The following SCHIP1 variants were observed in gnomAD, a reference collection of about 807,000 sequenced individuals.
SCHIP1 encodes the protein schwannomin interacting protein 1.
SCHIP1 carries 8 observed loss-of-function variants against 29.7 expected under a neutral mutation model. The ratio of observed to expected loss-of-function variants is 0.27; its 90% CI spans 0.16 to 0.49. The LOEUF is 0.49. Ranked by LOEUF, SCHIP1 falls within the 20% of genes least tolerant of loss-of-function variation. SCHIP1 has a pLI of 0.99. For synonymous variants in SCHIP1, 76 were observed against 94.9 expected (o/e 0.80, Z 1.16); for missense variants, 193 against 294.6 (o/e 0.66, Z 2.52).
chr3:159,304,298 G>A, the SCHIP1 span, among the ~76,000 whole-genome samples: 2 of 151,944 alleles, frequency 1.3e-5, no homozygotes, highest in Non-Finnish European at 2.9e-5. Context: ...CATTATCTGG[G>A]GTTTTAAGAT....
At chr3:159,280,048 TG>T in the SCHIP1 span, among the ~76,000 whole-genome samples, 35 of 152,300 alleles carry the variant, frequency 2.3e-4, no homozygotes, top group African/African-American at 7.9e-4. Context: ...TCTTCTATAA[TG>T]GGGGGTAGAG....
the SCHIP1 span, among the ~76,000 whole-genome samples, chr3:159,532,472 T>C: frequency 6.6e-6 from 1 of 152,244 alleles, no homozygotes; most frequent in African/African-American, 2.4e-5. Flanking sequence ...ATCTGAGCTT[T>C]GTCATGATTT....
At chr3:159,650,564 T>C in the SCHIP1 span, among the ~76,000 whole-genome samples, 1 of 152,134 alleles carries the variant, frequency 6.6e-6, no homozygotes, top group Non-Finnish European at 1.5e-5. Flanking sequence ...AATGTATATA[T>C]CCTTTGAACA....
the SCHIP1 span, among the ~76,000 whole-genome samples, chr3:159,435,404 T>C: frequency 0.014 from 2,073 of 152,188 alleles, 36 homozygotes; most frequent in Non-Finnish European, 0.016. Flanking sequence ...CCCCAAACAC[T>C]TCATCCTGCA....
the SCHIP1 span, among the ~76,000 whole-genome samples, chr3:159,828,337 G>T: frequency 6.9e-6 from 1 of 144,780 alleles, no homozygotes. Flanking sequence ...TGCAACTTTG[G>T]ATGAATTAGC....
At chr3:159,390,947 A>G in the SCHIP1 span, among the ~76,000 whole-genome samples, 1 of 152,212 alleles carries the variant, frequency 6.6e-6, no homozygotes, top group Admixed American at 6.5e-5. Flanking sequence ...TTATCCTTTC[A>G]TACAATCAGT....
At chr3:159,846,944 T>C (rs1711927975) in intron 1 of SCHIP1, among the ~76,000 whole-genome samples, 1 of 151,998 alleles carries the variant, frequency 6.6e-6, no homozygotes, top group Admixed American at 6.6e-5. Context: ...AGCACAATGA[T>C]AAGAGCCCCA....
intron 4 of SCHIP1, chr3:159,888,280 G>A (rs1239662627): frequency 1.1e-5 from 3 of 264,902 alleles, no homozygotes; most frequent in Non-Finnish European, 2.2e-5. Context: ...ATATCACATA[G>A]TGAATAGGAG....
chr3:159,647,355 G>A, the SCHIP1 span, among the ~76,000 whole-genome samples: 1 of 152,090 alleles, frequency 6.6e-6, no homozygotes, highest in Non-Finnish European at 1.5e-5. Context: ...GGGTTGAACG[G>A]GGAATGAGGT....
At chr3:159,398,135 C>T in the SCHIP1 span, among the ~76,000 whole-genome samples, 1 of 152,152 alleles carries the variant, frequency 6.6e-6, no homozygotes, top group Admixed American at 6.5e-5. Context: ...AGGGAACTCC[C>T]TGACCCTTTG....
At chr3:159,692,013 C>CCTT in the SCHIP1 span, among the ~76,000 whole-genome samples, 1 of 90,942 alleles carries the variant, frequency 1.1e-5, no homozygotes, top group African/African-American at 4.8e-5. Context: ...CCCGACCTTT[C>CCTT]TTTTTTTTTT....
the SCHIP1 span, among the ~76,000 whole-genome samples, chr3:159,340,674 C>A: frequency 6.6e-6 from 1 of 152,020 alleles, no homozygotes; most frequent in Non-Finnish European, 1.5e-5. Flanking sequence ...TTATTTTCAC[C>A]TCTCTCTTGG....
chr3:159,526,943 CA>C, the SCHIP1 span, among the ~76,000 whole-genome samples: 1 of 152,188 alleles, frequency 6.6e-6, no homozygotes, highest in Non-Finnish European at 1.5e-5. Flanking sequence ...GAAAAGGGAA[CA>C]AAAGGTCGCT....
At chr3:159,838,804 G>T (rs1027842815), upstream of SCHIP1, among the ~76,000 whole-genome samples, 2 of 150,232 alleles carry the variant, frequency 1.3e-5, no homozygotes, top group African/African-American at 4.9e-5. Context: ...TGAGGCAGGA[G>T]AATGACATGA....
At chr3:159,383,053 A>G in the SCHIP1 span, among the ~76,000 whole-genome samples, 3 of 149,680 alleles carry the variant, frequency 2.0e-5, no homozygotes, top group East Asian at 5.9e-4. Context: ...CCCATTTTGT[A>G]GGTTGCCTGT....
intron 1 of SCHIP1, among the ~76,000 whole-genome samples, chr3:159,843,027 T>TTTTTTTTTTTTTG (rs1744415191): frequency 9.3e-6 from 1 of 107,142 alleles, no homozygotes; most frequent in African/African-American, 3.7e-5. Context: ...TTTTTTTTTT[T>TTTTTTTTTTTTTG]TTGAGATGGA....
chr3:159,506,719 A>G, the SCHIP1 span, among the ~76,000 whole-genome samples: 1 of 152,222 alleles, frequency 6.6e-6, no homozygotes, highest in South Asian at 2.1e-4. Context: ...TTTGTTGAAT[A>G]GGGAATCCTC....
At chr3:159,320,179 A>C in the SCHIP1 span, among the ~76,000 whole-genome samples, 1 of 152,244 alleles carries the variant, frequency 6.6e-6, no homozygotes, top group Admixed American at 6.5e-5. Flanking sequence ...CATTATAAAC[A>C]ACTGTTATTA....
the SCHIP1 span, among the ~76,000 whole-genome samples, chr3:159,331,719 C>T: frequency 6.6e-6 from 1 of 152,084 alleles, no homozygotes; most frequent in Non-Finnish European, 1.5e-5. Flanking sequence ...CAGTATTTTC[C>T]CCACACTTTT....
Sources: allele counts gnomAD v4.1 joint callset (sites outside exome capture counted in the v4.1 genomes callset), GRCh38; gene constraint gnomAD v4.1.1; transcripts MANE v1.5; gene names NCBI Gene and HGNC (gene_info 2026-07-23, HGNC 2026-07-21).